The following IGF1R variants were observed in gnomAD, a reference collection of about 807,000 sequenced individuals.
IGF1R encodes the protein insulin like growth factor 1 receptor, also known as insulin-like growth factor 1 receptor.
A neutral mutation model predicts 144.6 loss-of-function variants in IGF1R; 44 were observed. That is an observed-to-expected ratio of 0.30 (90% CI 0.24 to 0.39). The LOEUF is 0.39. Ranked by LOEUF, IGF1R falls within the 10% of genes least tolerant of loss-of-function variation. The probability of loss-of-function intolerance (pLI) is 1.00; values close to 1 mark genes in which losing one functional copy is unlikely to be tolerated. For missense variants in IGF1R, 1,355 were observed against 1,833.7 expected, an observed-to-expected ratio of 0.74 and a Z score of 4.77; for synonymous variants, 795 against 722.8, an observed-to-expected ratio of 1.10 and a Z score of -1.60.
intron 4 of IGF1R, among the ~76,000 whole-genome samples, chr15:98,897,923 A>AT (rs5814911): frequency 0.089 from 12,992 of 146,270 alleles, 581 homozygotes; most frequent in Middle Eastern, 0.15. Flanking sequence ...TTTATGAAGA[A>AT]TTTTTTTTTT....
chr15:98,873,393 C>T (rs752840777), intron 2 of IGF1R, among the ~76,000 whole-genome samples: 1 of 152,260 alleles, frequency 6.6e-6, no homozygotes, highest in East Asian at 1.9e-4. Flanking sequence ...GGACAAGAAA[C>T]CCCACATAAA....
intron 2 of IGF1R, among the ~76,000 whole-genome samples, chr15:98,723,232 A>G (rs2054283517): frequency 6.6e-6 from 1 of 152,136 alleles, no homozygotes; most frequent in South Asian, 2.1e-4. Flanking sequence ...AGCTTTTTAT[A>G]ACTTTTCTTA....
At chr15:98,919,070 A>G (rs894553085) in intron 10 of IGF1R, among the ~76,000 whole-genome samples, 11 of 152,236 alleles carry the variant, frequency 7.2e-5, no homozygotes, top group African/African-American at 2.7e-4. Context: ...CCTAGAAAGC[A>G]GAAAGTTTGA....
chr15:98,783,051 T>A (rs2055895160), intron 2 of IGF1R, among the ~76,000 whole-genome samples: 1 of 152,248 alleles, frequency 6.6e-6, no homozygotes, highest in Non-Finnish European at 1.5e-5. Flanking sequence ...AGAAGCTCTC[T>A]GCCTGCCTAG....
At chr15:98,910,960 C>G (rs561803788) in intron 6 of IGF1R, among the ~76,000 whole-genome samples, 1 of 152,244 alleles carries the variant, frequency 6.6e-6, no homozygotes, top group Non-Finnish European at 1.5e-5. Context: ...CACCTTCACC[C>G]TACCAGGCCC....
intron 2 of IGF1R, among the ~76,000 whole-genome samples, chr15:98,824,990 T>C (rs968331249): frequency 6.6e-6 from 1 of 151,906 alleles, no homozygotes; most frequent in African/African-American, 2.4e-5. Context: ...GCACGCGCCA[T>C]CACACCTGGC....
At chr15:98,894,428 A>C (rs1171131011) in intron 3 of IGF1R, among the ~76,000 whole-genome samples, 1 of 152,228 alleles carries the variant, frequency 6.6e-6, no homozygotes, top group African/African-American at 2.4e-5. Context: ...CAGATGTCCT[A>C]TGATAGATAG....
intron 19 of IGF1R, among the ~76,000 whole-genome samples, chr15:98,945,619 C>T (rs1199608069): frequency 3.3e-5 from 5 of 152,142 alleles, no homozygotes; most frequent in East Asian, 3.8e-4. Context: ...GCATATTTCT[C>T]GGTGCTTCTG....
chr15:98,923,293 G>C (rs2015568005), intron 11 of IGF1R, among the ~76,000 whole-genome samples: 1 of 152,396 alleles, frequency 6.6e-6, no homozygotes, highest in Non-Finnish European at 1.5e-5. Context: ...GGCAGGGAGG[G>C]CTTGCCCTGC....
rs372573359 is a variant in IGF1R at position 98,707,911 on chromosome 15, C to T, written c.444C>T (p.Asp148=). The T allele has an allele frequency of 1.2e-6, 2 of 1,614,040 alleles. No individual in the cohort carries two copies. The highest frequency in any genetic ancestry group is 1.1e-5 in the South Asian group (1 of 91,084). Residue 148 remains aspartate (D), a synonymous_variant, in exon 2 of 21, where the codon GAC becomes GAT. Transcript: ENST00000650285. The surrounding 1 kb of genome is among the most constrained non-coding windows in gnomAD (Gnocchi z 6.7). ...CCATCAGGATTGAGAAAAATGCTGA[C>T]CTCTGTTACCTCTCCACTGTGGACT... ...RGAIRIEKNA[D]LCYLSTVDWS...
At position 98,855,198 on chromosome 15, in the gene IGF1R, A is replaced by G. The variant is rs80237034; in HGVS notation, c.641-36127A>G. ...TGGGGAGCTTTCTCTGTGTCCCCCC[A>G]TGAGAGTGAGGACAGTCTCATTTAA... On this transcript the variant is annotated intron_variant, in intron 2 of 20. Coordinates refer to ENST00000650285, the MANE Select transcript of IGF1R (RefSeq NM_000875.5). Among the ~76,000 whole-genome samples, 272 of 152,242 alleles carry G rather than the reference A, an allele frequency of 1.8e-3. 1 individual carries two copies. Among genetic ancestry groups the G allele is most frequent in the African/African-American group, 6.4e-3 (267 of 41,530 alleles).
chr15:98,961,063 A>G lies in IGF1R; in HGVS notation c.*3621A>G, dbSNP rs959436839. 7 of 233,476 alleles carry G rather than the reference A, an allele frequency of 3.0e-5. No homozygotes were observed. The highest frequency in any genetic ancestry group is 6.6e-5 in the African/African-American group (3 of 45,340). The allele number at this position is 233,476 out of a possible 1,614,324, so 14.5% of individuals were successfully genotyped here. A position where few individuals can be genotyped will look rare whatever the true frequency, so the allele number is the denominator to read the frequency against. On this transcript the variant is annotated 3_prime_UTR_variant, in exon 21 of 21. Coordinates refer to ENST00000650285, the MANE Select transcript of IGF1R (RefSeq NM_000875.5). ...CCTAAGCGTGGATGGCTCCTCGGCA[A>G]TTCCAGCCTAAGTGAAGGCGCTCAG...
intron 2 of IGF1R, among the ~76,000 whole-genome samples, chr15:98,731,226 T>C (rs2054489911): frequency 6.6e-6 from 1 of 152,226 alleles, no homozygotes; most frequent in Non-Finnish European, 1.5e-5. Context: ...GCTATAAAAA[T>C]AGATGTCATG....
intron 2 of IGF1R, among the ~76,000 whole-genome samples, chr15:98,791,523 C>G (rs556375200): frequency 6.6e-6 from 1 of 152,066 alleles, no homozygotes; most frequent in Non-Finnish European, 1.5e-5. Context: ...GATTTTCCAA[C>G]CAAAAGTACC....
At chr15:98,919,387 T>C (rs1245185149) in intron 10 of IGF1R, among the ~76,000 whole-genome samples, 4 of 152,208 alleles carry the variant, frequency 2.6e-5, no homozygotes, top group African/African-American at 9.7e-5. Flanking sequence ...GTTGCTGTCT[T>C]GTTCCACCAA....
chr15:98,887,015 C>T (rs1037407914), intron 2 of IGF1R, among the ~76,000 whole-genome samples: 2 of 152,308 alleles, frequency 1.3e-5, no homozygotes, highest in Middle Eastern at 3.4e-3. Context: ...TTGCTGCCCC[C>T]GCATAGAGCA....
At position 98,958,005 on chromosome 15, in the gene IGF1R, T is replaced by C. The variant is rs2017077663; in HGVS notation, c.*563T>C. On this transcript the variant is annotated 3_prime_UTR_variant, in exon 21 of 21. Coordinates refer to ENST00000650285, the MANE Select transcript of IGF1R (RefSeq NM_000875.5). ...AGGGCCATCGTTCATCCAAGGCTGT[T>C]ACCATTTTAACGCTGCCTAATTTTG... 1 of 234,626 alleles carries C rather than the reference T, an allele frequency of 4.3e-6. No homozygotes were observed. The highest frequency in any genetic ancestry group is 1.3e-3 in the Middle Eastern group (1 of 786). The allele number at this position is 234,626 out of a possible 1,614,324, so 14.5% of individuals were successfully genotyped here.
intron 2 of IGF1R, among the ~76,000 whole-genome samples, chr15:98,883,889 A>G (rs764442250): frequency 9.9e-5 from 15 of 152,146 alleles, no homozygotes; most frequent in Non-Finnish European, 1.8e-4. Context: ...TAGTTTGAAG[A>G]CCAGACAGAA....
chr15:98,850,552 G>T (rs963564231), intron 2 of IGF1R, among the ~76,000 whole-genome samples: 3 of 152,254 alleles, frequency 2.0e-5, no homozygotes, highest in African/African-American at 7.2e-5. Context: ...TCTCTGAGGT[G>T]CTCTGGGAGC....
Sources: gnomAD v4.1 joint callset for allele counts (sites outside exome capture counted in the v4.1 genomes callset) on GRCh38, gnomAD v4.1.1 for gene constraint, Gnocchi (gnomAD v3.1) non-coding constraint, MANE v1.5 for transcripts, NCBI Gene and HGNC (gene_info 2026-07-23, HGNC 2026-07-21) for gene names.